The following IMMP2L variants were observed in gnomAD, a reference collection of about 807,000 sequenced individuals.
IMMP2L encodes the protein inner mitochondrial membrane peptidase subunit 2.
Under a neutral mutation model 19.3 loss-of-function variants are expected in IMMP2L, and 18 were observed. The observed-to-expected ratio is 0.93, with a 90% CI of 0.64 to 1.38. The LOEUF (loss-of-function observed/expected upper bound fraction) is 1.38, where lower values mean the gene tolerates loss of function less well. Among genes scored for constraint, IMMP2L ranks in the 40% most tolerant of loss-of-function variants. IMMP2L has a pLI of 0.00. For missense variants in IMMP2L, 233 were observed against 218.2 expected, an observed-to-expected ratio of 1.07 and a Z score of -0.43; for synonymous variants, 76 against 73.0, an observed-to-expected ratio of 1.04 and a Z score of -0.21.
chr7:111,044,411 A>C (rs1422256661), intron 3 of IMMP2L, among the ~76,000 whole-genome samples: 1 of 152,080 alleles, frequency 6.6e-6, no homozygotes, highest in African/African-American at 2.4e-5. Context: ...AAATACAAAA[A>C]TTAGCTGGGC....
chr7:111,500,915 C>T (rs1375756034), intron 2 of IMMP2L, among the ~76,000 whole-genome samples: 3 of 152,122 alleles, frequency 2.0e-5, no homozygotes, highest in Non-Finnish European at 4.4e-5. Context: ...AAGCAGAGTG[C>T]CTCTCCTCCT....
chr7:110,889,346 A>C (rs770912511), intron 4 of IMMP2L, among the ~76,000 whole-genome samples: 1 of 152,114 alleles, frequency 6.6e-6, no homozygotes, highest in African/African-American at 2.4e-5. Context: ...TTTTCCTGTA[A>C]CTAGATGGTT....
intron 5 of IMMP2L, among the ~76,000 whole-genome samples, chr7:110,818,745 T>C (rs1412263725): frequency 1.3e-5 from 2 of 151,634 alleles, no homozygotes; most frequent in Admixed American, 1.3e-4. Context: ...ATTAAGAAAA[T>C]GTGGCACATA....
At chr7:111,078,242 A>C (rs1013519342) in intron 3 of IMMP2L, among the ~76,000 whole-genome samples, 1 of 152,212 alleles carries the variant, frequency 6.6e-6, no homozygotes, top group Non-Finnish European at 1.5e-5. Context: ...TGAAGGAATG[A>C]ATGAAAAAAT....
chr7:111,174,886 ATTT>A (rs1180271834), intron 3 of IMMP2L, among the ~76,000 whole-genome samples: 1 of 151,782 alleles, frequency 6.6e-6, no homozygotes, highest in Non-Finnish European at 1.5e-5. Context: ...AGTGGGCTAG[ATTT>A]TCCAATAAAG....
chr7:111,051,477 A>G (rs760439747), intron 3 of IMMP2L, among the ~76,000 whole-genome samples: 11 of 152,214 alleles, frequency 7.2e-5, no homozygotes, highest in Non-Finnish European at 1.5e-4. Context: ...TCATCAGAAT[A>G]TATTTCTGAA....
At chr7:110,959,880 T>C (rs942646547) in intron 4 of IMMP2L, among the ~76,000 whole-genome samples, 1 of 151,972 alleles carries the variant, frequency 6.6e-6, no homozygotes, top group African/African-American at 2.4e-5. Context: ...GCTCTGGCTC[T>C]GTTTCTGCTG....
intron 3 of IMMP2L, among the ~76,000 whole-genome samples, chr7:110,996,721 C>T (rs980549432): frequency 2.0e-5 from 3 of 151,672 alleles, no homozygotes; most frequent in Non-Finnish European, 4.4e-5. Flanking sequence ...TGTAAATTCA[C>T]ATGCAATCGT....
chr7:110,886,364 G>A (rs1164493369), intron 5 of IMMP2L, among the ~76,000 whole-genome samples: 2 of 151,978 alleles, frequency 1.3e-5, no homozygotes, highest in Non-Finnish European at 1.5e-5. Context: ...CTTTGTTGAA[G>A]TGTCTGAGTT....
intron 5 of IMMP2L, among the ~76,000 whole-genome samples, chr7:110,667,416 C>A (rs1232887293): frequency 6.6e-6 from 1 of 152,088 alleles, no homozygotes; most frequent in East Asian, 1.9e-4. Context: ...ATCTTAATTG[C>A]CAGAAGCTGT....
intron 3 of IMMP2L, among the ~76,000 whole-genome samples, chr7:111,035,811 C>T (rs76463228): frequency 0.039 from 5,958 of 152,116 alleles, 144 homozygotes; most frequent in Middle Eastern, 0.062. Flanking sequence ...ACAAAGTAAC[C>T]CCTTTCCTAA....
intron 5 of IMMP2L, among the ~76,000 whole-genome samples, chr7:110,818,224 G>A (rs1342156799): frequency 6.6e-6 from 1 of 151,792 alleles, no homozygotes; most frequent in Non-Finnish European, 1.5e-5. Flanking sequence ...TCTGACAAAG[G>A]GCTAATATCC....
At chr7:110,999,052 T>C (rs1823346708) in intron 3 of IMMP2L, among the ~76,000 whole-genome samples, 1 of 152,130 alleles carries the variant, frequency 6.6e-6, no homozygotes, top group African/African-American at 2.4e-5. Context: ...AATAGATTTT[T>C]CTCTCATAAC....
intron 3 of IMMP2L, among the ~76,000 whole-genome samples, chr7:111,316,385 T>C (rs937796023): frequency 2.0e-5 from 3 of 152,130 alleles, no homozygotes; most frequent in Non-Finnish European, 2.9e-5. Context: ...AAAACCAGAA[T>C]ATATTTCATT....
At chr7:111,317,439 G>A (rs1824229854) in intron 3 of IMMP2L, among the ~76,000 whole-genome samples, 1 of 151,998 alleles carries the variant, frequency 6.6e-6, no homozygotes, top group African/African-American at 2.4e-5. Flanking sequence ...CATTATATGG[G>A]CAAAGAAATA....
chr7:110,764,314 A>C (rs1430971259), intron 5 of IMMP2L, among the ~76,000 whole-genome samples: 2 of 152,152 alleles, frequency 1.3e-5, no homozygotes, highest in African/African-American at 2.4e-5. Flanking sequence ...AATACATAAA[A>C]TCATATGGCA....
At chr7:111,424,765 A>C (rs1430190574) in intron 3 of IMMP2L, among the ~76,000 whole-genome samples, 2 of 151,852 alleles carry the variant, frequency 1.3e-5, no homozygotes, top group Non-Finnish European at 2.9e-5. Context: ...AATATTAAGC[A>C]ATTCTACCAC....
intron 3 of IMMP2L, among the ~76,000 whole-genome samples, chr7:111,413,652 G>A (rs1327553241): frequency 7.0e-6 from 1 of 143,164 alleles, no homozygotes; most frequent in Non-Finnish European, 1.5e-5. Context: ...TAATCCCTCA[G>A]TCCTAATTTA....
At chr7:110,970,815 A>G (rs2129556543) in intron 3 of IMMP2L, among the ~76,000 whole-genome samples, 1 of 152,220 alleles carries the variant, frequency 6.6e-6, no homozygotes, top group Non-Finnish European at 1.5e-5. Context: ...AACATCATGG[A>G]ATAAAACAAA....
Sources: gnomAD v4.1 joint callset for allele counts (sites outside exome capture counted in the v4.1 genomes callset) on GRCh38, gnomAD v4.1.1 for gene constraint, MANE v1.5 for transcripts, NCBI Gene and HGNC (gene_info 2026-07-23, HGNC 2026-07-21) for gene names.